Variants in ACACA observed in about 807,000 individuals in gnomAD.
ACACA encodes the protein acetyl-CoA carboxylase 1.
A neutral mutation model predicts 296.1 loss-of-function variants in ACACA; 103 were observed. The observed-to-expected ratio is 0.35, with a 90% confidence interval of 0.30 to 0.41. ACACA has a LOEUF of 0.41. Among genes scored for constraint, ACACA ranks in the 10% least tolerant of loss-of-function variants. The pLI, the probability that ACACA is intolerant of heterozygous loss-of-function variation, is 1.00. For missense variants in ACACA, 1,554 were observed against 2,989.7 expected, an observed-to-expected ratio of 0.52 and a Z score of 11.20; for synonymous variants, 953 against 1,038.6, an observed-to-expected ratio of 0.92 and a Z score of 1.58.
intron 3 of ACACA, chr17:37,301,347 T>A (rs1367874570): frequency 3.6e-5 from 35 of 984,242 alleles, no homozygotes; most frequent in Non-Finnish European, 4.1e-5. Flanking sequence ...CCCCTTTTAA[T>A]CTACCATGAA....
At position 37,245,151 on chromosome 17, in the gene ACACA, G is replaced by T; in HGVS notation, c.2524C>A (p.Pro842Thr). 1.9e-6 allele frequency: 3 copies of T among 1,614,124 alleles called. No homozygotes were observed. Among genetic ancestry groups the T allele is most frequent in the South Asian group, 1.1e-5 (1 of 91,074 alleles). Reference sequence around the variant, plus strand: ...CAGCCAGGGTCAAGAGCTGCTCCAGGTCGCTTGACGTAATGGATACAGCCA... The same window carrying T: ...CAGCCAGGGTCAAGAGCTGCTCCAGTTCGCTTGACGTAATGGATACAGCCA... ...ESGCIHYVKRPGAALDPGCVL... is the reference protein window; with the variant it reads ...ESGCIHYVKRTGAALDPGCVL... The change falls in exon 20 of 56, where the codon CCT becomes ACT. Residue 842 changes from proline (P) to threonine (T), a missense_variant. Pro to Thr is a conservative substitution (Grantham distance 38). Around this residue, in one of 16 missense-constraint regions of ACACA, gnomAD observed 316 missense variants for 540.9 expected, o/e 0.58. Transcript: ENST00000616317.
At chr17:37,093,728 C>A (rs934468911) in intron 54 of ACACA, among the ~76,000 whole-genome samples, 2 of 152,118 alleles carry the variant, frequency 1.3e-5, no homozygotes, top group African/African-American at 2.4e-5. Context: ...AAACTCCTGG[C>A]CTCAAGCGAT....
intron 36 of ACACA, among the ~76,000 whole-genome samples, chr17:37,192,860 T>C (rs1013550123): frequency 1.5e-4 from 23 of 152,318 alleles, no homozygotes; most frequent in African/African-American, 5.5e-4. Flanking sequence ...TTAAAAGTTG[T>C]ATTAGTATAT....
intron 41 of ACACA, 45 bp downstream of exon 41, chr17:37,179,215 G>A: frequency 6.2e-7 from 1 of 1,613,358 alleles, no homozygotes; most frequent in South Asian, 1.1e-5. Flanking sequence ...GCTGGTACTA[G>A]TGGGCACAGA....
At chr17:37,105,135 A>G (rs2073602594) in intron 52 of ACACA, among the ~76,000 whole-genome samples, 1 of 152,116 alleles carries the variant, frequency 6.6e-6, no homozygotes, top group South Asian at 2.1e-4. Context: ...AAAGCTTGGA[A>G]TAAAAATCAG....
intron 29 of ACACA, among the ~76,000 whole-genome samples, chr17:37,212,878 C>CAGAA (rs1466939942): frequency 1.4e-5 from 2 of 146,890 alleles, no homozygotes; most frequent in African/African-American, 5.0e-5. Flanking sequence ...TGTGATACAC[C>CAGAA]AGAAAGCTAG....
At chr17:37,119,589 AACAC>A (rs71368443) in intron 50 of ACACA, among the ~76,000 whole-genome samples, 7,121 of 128,138 alleles carry the variant, frequency 0.056, 169 homozygotes, top group African/African-American at 0.087. Flanking sequence ...TTTTCAACCA[AACAC>A]ACACACACAC....
intron 41 of ACACA, among the ~76,000 whole-genome samples, chr17:37,174,840 T>A (rs554268701): frequency 6.6e-6 from 1 of 152,232 alleles, no homozygotes; most frequent in South Asian, 2.1e-4. Context: ...CCCAGTTGCA[T>A]TCAATTTTCA....
intron 1 of ACACA, among the ~76,000 whole-genome samples, chr17:37,397,072 GT>G (rs768091678): frequency 1.0e-4 from 15 of 148,258 alleles, no homozygotes; most frequent in Non-Finnish European, 2.1e-4. Flanking sequence ...GATGTGTGAT[GT>G]TCCCAGCCCT....
chr17:37,217,260 CAAAAAAAAAAAAAAAA>C (rs34419580), intron 29 of ACACA, among the ~76,000 whole-genome samples: 1 of 42,526 alleles, frequency 2.4e-5, no homozygotes, highest in Non-Finnish European at 4.5e-5. Flanking sequence ...AACTCTATCT[CAAAAAAAAAAAAAAAA>C]AAAAAAAAAG....
chr17:37,134,290 T>C (rs1466122932), intron 45 of ACACA, among the ~76,000 whole-genome samples: 1 of 152,210 alleles, frequency 6.6e-6, no homozygotes, highest in East Asian at 1.9e-4. Flanking sequence ...AAGCCCTTTT[T>C]GGAGATCAAG....
At chr17:37,392,395 G>A (rs1027402506) in intron 1 of ACACA, 3 of 152,158 alleles carry the variant, frequency 2.0e-5, no homozygotes, top group Admixed American at 1.3e-4. Context: ...CATACCTTTT[G>A]GACAAAGATT....
At chr17:37,387,367 C>G (rs564205317) in intron 1 of ACACA, 4 of 152,054 alleles carry the variant, frequency 2.6e-5, no homozygotes, top group African/African-American at 9.6e-5. Flanking sequence ...ATCCGCCTGC[C>G]TCAGCCTCCC....
chr17:37,101,360 C>G (rs1056567772), intron 52 of ACACA, among the ~76,000 whole-genome samples: 1 of 152,120 alleles, frequency 6.6e-6, no homozygotes, highest in African/African-American at 2.4e-5. Context: ...AATCAATAAT[C>G]AAAGCTAATA....
At chr17:37,177,231 T>TA (rs1346578264) in intron 41 of ACACA, among the ~76,000 whole-genome samples, 1 of 151,520 alleles carries the variant, frequency 6.6e-6, no homozygotes, top group Non-Finnish European at 1.5e-5. Context: ...TGTTAGGTCT[T>TA]AAAGGGGTTA....
intron 45 of ACACA, among the ~76,000 whole-genome samples, chr17:37,147,834 A>G (rs2075877010): frequency 6.6e-6 from 1 of 152,224 alleles, no homozygotes; most frequent in Non-Finnish European, 1.5e-5. Context: ...AAGCTATGAC[A>G]GTGAATATAA....
Position 37,370,484 on chromosome 17 carries a change from TAAAAA to T in ACACA, c.39-30639_39-30635del, listed in dbSNP as rs772679026. ...CAACACGGTGAAAACTAGTCTCTAC[TAAAAA>T]AAAAAAAAAAAAAAAAAATTAGCCG... On this transcript the variant is annotated intron_variant, in intron 1 of 55. Transcript: ENST00000616317. Among the ~76,000 whole-genome samples, 5 of 76,248 alleles carry T rather than the reference TAAAAA, an allele frequency of 6.6e-5. No homozygotes were observed. The Admixed American group carries it at 7.8e-4, about 12-fold the overall frequency. The allele number at this position is 76,248 out of a possible 152,430, so 50.0% of individuals were successfully genotyped here.
intron 25 of ACACA, among the ~76,000 whole-genome samples, chr17:37,234,392 T>C (rs189103113): frequency 4.0e-3 from 616 of 152,296 alleles, no homozygotes; most frequent in South Asian, 0.014. Context: ...CCAGGCTCAC[T>C]CCCTATTCCT....
chr17:37,296,852 G>C (rs956946856), intron 3 of ACACA, among the ~76,000 whole-genome samples: 1 of 151,546 alleles, frequency 6.6e-6, no homozygotes, highest in Admixed American at 6.6e-5. Flanking sequence ...GAGTAGCTGG[G>C]ATTACAGGAT....
Sources: gnomAD v4.1 joint callset for allele counts (sites outside exome capture counted in the v4.1 genomes callset) on GRCh38, gnomAD v4.1.1 for gene constraint, gnomAD v4.1.1 regional missense constraint, MANE v1.5 for transcripts, NCBI Gene and HGNC (gene_info 2026-07-23, HGNC 2026-07-21) for gene names.